DLC1: variants seen among roughly 807,000 people sequenced by gnomAD.
DLC1 encodes rho GTPase-activating protein 7.
DLC1 carries 54 observed loss-of-function variants against 140.3 expected under a neutral mutation model. The observed-to-expected ratio is 0.38, with a 90% CI of 0.31 to 0.48. DLC1 has a LOEUF of 0.48. Among genes scored for constraint, DLC1 ranks in the 20% least tolerant of loss-of-function variants. The pLI is 0.96. For synonymous variants in DLC1, 986 were observed against 728.1 expected (o/e 1.35, Z -5.70); for missense variants, 2,536 against 1,907.0 (o/e 1.33, Z -6.14).
intron 4 of DLC1, among the ~76,000 whole-genome samples, chr8:13,311,587 AG>A (rs1393772804): frequency 6.6e-6 from 1 of 152,230 alleles, no homozygotes; most frequent in Non-Finnish European, 1.5e-5. Context: ...AAAAGTTATC[AG>A]CAATATTGAG....
intron 5 of DLC1, among the ~76,000 whole-genome samples, chr8:13,256,139 C>T (rs987545090): frequency 2.0e-5 from 3 of 152,094 alleles, no homozygotes; most frequent in Admixed American, 2.0e-4. Context: ...CTTCTGGGCT[C>T]ATGATTTTCA....
intron 1 of DLC1, among the ~76,000 whole-genome samples, chr8:13,503,397 A>T (rs73208099): frequency 0.13 from 19,159 of 151,920 alleles, 2,235 homozygotes; most frequent in East Asian, 0.38. Context: ...GAGCAAAAAA[A>T]AATAATAATA....
intron 5 of DLC1, among the ~76,000 whole-genome samples, chr8:13,219,583 G>A (rs142729323): frequency 2.6e-4 from 39 of 151,038 alleles, no homozygotes; most frequent in African/African-American, 8.3e-4. Flanking sequence ...AATTTCCTTC[G>A]TGCTCAGAAG....
intron 1 of DLC1, among the ~76,000 whole-genome samples, chr8:13,574,381 C>A (rs111894821): frequency 6.6e-6 from 1 of 151,986 alleles, no homozygotes; most frequent in African/African-American, 2.4e-5. Flanking sequence ...AAATTCTTAA[C>A]GCTCAAACTT....
intron 4 of DLC1, among the ~76,000 whole-genome samples, chr8:13,381,630 G>A (rs917996986): frequency 1.3e-5 from 2 of 152,206 alleles, no homozygotes; most frequent in African/African-American, 4.8e-5. Flanking sequence ...GAGAGATCCA[G>A]ATGGAGAGGA....
At chr8:13,422,776 G>A (rs1411595598) in intron 2 of DLC1, among the ~76,000 whole-genome samples, 5 of 151,094 alleles carry the variant, frequency 3.3e-5, no homozygotes, top group African/African-American at 1.2e-4. Flanking sequence ...ACATCTGGTG[G>A]ATCAACATGC....
chr8:13,100,827 G>C (rs1396739769), intron 8 of DLC1, 57 bp from the exon 9 acceptor site: 7 of 1,507,044 alleles, frequency 4.6e-6, no homozygotes. Flanking sequence ...GCAGGGAGCA[G>C]GGCATGAGCA....
At chr8:13,519,791 C>G (rs1179800809), upstream of DLC1, among the ~76,000 whole-genome samples, 1 of 152,092 alleles carries the variant, frequency 6.6e-6, no homozygotes, top group East Asian at 1.9e-4. Flanking sequence ...AAAAAAACAA[C>G]CCCATCAAAT....
intron 4 of DLC1, among the ~76,000 whole-genome samples, chr8:13,328,984 T>A (rs577315298): frequency 1.3e-5 from 2 of 152,158 alleles, no homozygotes; most frequent in Non-Finnish European, 2.9e-5. Context: ...GATGGGAAGC[T>A]GGATCAGAGT....
At chr8:13,551,075 C>CACACACATT (rs71207163) in intron 1 of DLC1, among the ~76,000 whole-genome samples, 2 of 121,678 alleles carry the variant, frequency 1.6e-5, no homozygotes, top group East Asian at 2.5e-4. Flanking sequence ...CACACACACA[C>CACACACATT]TTTTTTTTTT....
intron 5 of DLC1, among the ~76,000 whole-genome samples, chr8:13,220,900 G>A (rs1347762874): frequency 6.6e-6 from 1 of 152,170 alleles, no homozygotes; most frequent in Non-Finnish European, 1.5e-5. Flanking sequence ...GGCAAGCTCA[G>A]TGACAGCCTC....
At chr8:13,582,878 C>CCA (rs1461616416) in intron 1 of DLC1, among the ~76,000 whole-genome samples, 3,742 of 102,934 alleles carry the variant, frequency 0.036, 266 homozygotes, top group Middle Eastern at 0.051. Context: ...ATACTGTGGT[C>CCA]TATATATATA....
intron 2 of DLC1, among the ~76,000 whole-genome samples, chr8:13,437,283 C>G (rs901802263): frequency 6.6e-6 from 1 of 152,200 alleles, no homozygotes; most frequent in African/African-American, 2.4e-5. Flanking sequence ...TATTTAAGGC[C>G]TGCTGCCTGA....
chr8:13,224,116 C>T (rs537327732), intron 5 of DLC1, among the ~76,000 whole-genome samples: 164 of 152,254 alleles, frequency 1.1e-3, no homozygotes, highest in Middle Eastern at 3.4e-3. Context: ...CATCTGGGAT[C>T]GTTCTTTGTT....
intron 2 of DLC1, among the ~76,000 whole-genome samples, chr8:13,485,722 A>C (rs894573986): frequency 6.6e-6 from 1 of 152,250 alleles, no homozygotes; most frequent in Non-Finnish European, 1.5e-5. Context: ...CTCTAACAGA[A>C]GATACATTCT....
At chr8:13,114,188 C>A (rs1820347155) in intron 6 of DLC1, among the ~76,000 whole-genome samples, 1 of 152,152 alleles carries the variant, frequency 6.6e-6, no homozygotes, top group African/African-American at 2.4e-5. Flanking sequence ...ATGGTAAAAC[C>A]CCGGCTCTAC....
chr8:13,532,144 C>T (rs1366752325), intron 1 of DLC1, among the ~76,000 whole-genome samples: 1 of 152,140 alleles, frequency 6.6e-6, no homozygotes, highest in Non-Finnish European at 1.5e-5. Context: ...GTGGCTCATG[C>T]CTGTAATTCC....
At chr8:13,560,465 T>C (rs1341511340) in intron 1 of DLC1, among the ~76,000 whole-genome samples, 1 of 152,202 alleles carries the variant, frequency 6.6e-6, no homozygotes, top group Admixed American at 6.5e-5. Context: ...TACTTCTTAA[T>C]GAACAGGTAG....
intron 5 of DLC1, chr8:13,214,696 A>G (rs768771452): frequency 6.4e-6 from 5 of 780,734 alleles, no homozygotes; most frequent in Admixed American, 3.4e-5. Flanking sequence ...AGACAAACCA[A>G]TTGCCACTTC....
Sources: allele counts gnomAD v4.1 joint callset (sites outside exome capture counted in the v4.1 genomes callset), GRCh38; gene constraint gnomAD v4.1.1; transcripts MANE v1.5; gene names NCBI Gene and HGNC (gene_info 2026-07-23, HGNC 2026-07-21).